Variants in NPAS3 observed in about 807,000 individuals in gnomAD.
NPAS3 encodes the protein neuronal PAS domain-containing protein 3.
In NPAS3, 14 loss-of-function variants were observed where a neutral mutation model predicts 73.1. The ratio of observed to expected loss-of-function variants is 0.19; its 90% CI spans 0.13 to 0.30. The LOEUF (loss-of-function observed/expected upper bound fraction) is 0.30. Ranked by LOEUF, NPAS3 falls within the 10% of genes least tolerant of loss-of-function variation. The probability of loss-of-function intolerance (pLI) is 1.00; values close to 1 mark genes in which losing one functional copy is unlikely to be tolerated. For missense variants in NPAS3, 1,096 were observed against 1,250.0 expected (o/e 0.88, Z 1.86); for synonymous variants, 620 against 541.5 (o/e 1.14, Z -2.01).
At chr14:33,090,571 C>T (rs543900096) in intron 2 of NPAS3, among the ~76,000 whole-genome samples, 107 of 152,140 alleles carry the variant, frequency 7.0e-4, no homozygotes, top group Non-Finnish European at 9.9e-4. Flanking sequence ...ACCCCACTGT[C>T]AACATTAGAC....
intron 3 of NPAS3, among the ~76,000 whole-genome samples, chr14:33,336,045 A>G (rs996711670): frequency 9.9e-5 from 15 of 152,132 alleles, no homozygotes; most frequent in Non-Finnish European, 1.5e-4. Flanking sequence ...AGATCAGACC[A>G]TTTTACATTC....
At chr14:33,038,381 G>T (rs8008476) in intron 1 of NPAS3, among the ~76,000 whole-genome samples, 14,257 of 152,076 alleles carry the variant, frequency 0.094, 1,130 homozygotes, top group African/African-American at 0.22. Flanking sequence ...TTAAGAGAAT[G>T]TTCCTGTGCT....
At chr14:33,668,105 G>A (rs1450307952) in intron 5 of NPAS3, among the ~76,000 whole-genome samples, 1 of 152,114 alleles carries the variant, frequency 6.6e-6, no homozygotes, top group African/African-American at 2.4e-5. Flanking sequence ...GCTCCAATCC[G>A]AACAAGATCC....
rs373761474 is a variant in NPAS3, at chr14:33,572,481, T to A, written c.558+12271T>A. On this transcript the variant is annotated intron_variant, in intron 5 of 11. Transcript: ENST00000356141. ...TAATCCTAACGATTGTTAGGTACAA[T>A]GACAGTCTCCATTTTCTAGGTAAGA... 1.2e-3 allele frequency among the ~76,000 whole-genome samples: 179 copies of A among 152,214 alleles called. 2 individuals are homozygous for A. Among genetic ancestry groups the A allele is most frequent in the African/African-American group, 4.1e-3 (170 of 41,526 alleles).
At chr14:33,561,743 G>A (rs567230368) in intron 5 of NPAS3, among the ~76,000 whole-genome samples, 9 of 152,302 alleles carry the variant, frequency 5.9e-5, no homozygotes, top group Admixed American at 3.9e-4. Context: ...TTCATGCAGG[G>A]TATCCAGCAA....
chr14:33,138,422 C>A (rs1344175601), intron 2 of NPAS3, among the ~76,000 whole-genome samples: 1 of 152,062 alleles, frequency 6.6e-6, no homozygotes, highest in Non-Finnish European at 1.5e-5. Flanking sequence ...ATAAGCTAAG[C>A]ATAAAACTTG....
At chr14:33,278,927 G>A (rs1459497935) in intron 3 of NPAS3, among the ~76,000 whole-genome samples, 1 of 152,056 alleles carries the variant, frequency 6.6e-6, no homozygotes, top group East Asian at 1.9e-4. Context: ...CATAATAATA[G>A]ACATGAAAAG....
intron 5 of NPAS3, among the ~76,000 whole-genome samples, chr14:33,587,980 G>A (rs1456904876): frequency 6.6e-6 from 1 of 152,078 alleles, no homozygotes; most frequent in African/African-American, 2.4e-5. Flanking sequence ...CTGTTACCAG[G>A]GACATTTTGT....
At chr14:33,217,143 G>A (rs1250028684) in intron 3 of NPAS3, among the ~76,000 whole-genome samples, 1 of 152,002 alleles carries the variant, frequency 6.6e-6, no homozygotes, top group Non-Finnish European at 1.5e-5. Context: ...AGCAAAAGGG[G>A]AATTGCCACT....
intron 5 of NPAS3, among the ~76,000 whole-genome samples, chr14:33,573,447 A>T (rs1358346957): frequency 6.6e-6 from 1 of 152,194 alleles, no homozygotes; most frequent in Non-Finnish European, 1.5e-5. Context: ...CAATAGAGAG[A>T]TCCACTACAA....
At chr14:33,190,097 CTTAT>C (rs1438482470) in intron 2 of NPAS3, among the ~76,000 whole-genome samples, 1 of 152,146 alleles carries the variant, frequency 6.6e-6, no homozygotes, top group African/African-American at 2.4e-5. Flanking sequence ...CATAGAAATA[CTTAT>C]TTCAGTATTA....
chr14:33,265,572 G>T (rs1303549190), intron 3 of NPAS3, among the ~76,000 whole-genome samples: 1 of 152,048 alleles, frequency 6.6e-6, no homozygotes, highest in African/African-American at 2.4e-5. Flanking sequence ...TGTCTTATGG[G>T]CTGTACATGT....
intron 6 of NPAS3, among the ~76,000 whole-genome samples, chr14:33,677,810 A>ACTT (rs1487662245): frequency 6.6e-6 from 1 of 152,224 alleles, no homozygotes; most frequent in Admixed American, 6.5e-5. Flanking sequence ...AAATGAAAAT[A>ACTT]CTTTTGTTCA....
intron 2 of NPAS3, among the ~76,000 whole-genome samples, chr14:33,059,998 G>C (rs1421341383): frequency 6.6e-6 from 1 of 152,146 alleles, no homozygotes; most frequent in East Asian, 1.9e-4. Context: ...ACCCAGGCTG[G>C]TCTCGAACTC....
intron 1 of NPAS3, among the ~76,000 whole-genome samples, chr14:33,016,615 GA>G (rs10597224): frequency 0.13 from 16,310 of 125,984 alleles, 1,246 homozygotes; most frequent in African/African-American, 0.27. Context: ...AGAAAAAAAG[GA>G]AAAAAAAAAA....
chr14:33,460,631 C>G (rs957625738), intron 4 of NPAS3, among the ~76,000 whole-genome samples: 3 of 152,080 alleles, frequency 2.0e-5, no homozygotes, highest in Admixed American at 6.6e-5. Context: ...TTCGGCGTAC[C>G]CTACTGCCTC....
At position 33,590,266 on chromosome 14, in the gene NPAS3, C is replaced by T. The variant is rs148060782; in HGVS notation, c.558+30056C>T. ...CCTGGCATTTCACAATAATGAAGAC[C>T]TCCATCTGTTGGTTTTTAAACACTG... is the stretch of plus-strand genomic sequence containing the variant. On this transcript the variant is annotated intron_variant, in intron 5 of 11. Coordinates refer to ENST00000356141, the Ensembl canonical transcript of NPAS3. 1.8e-3 allele frequency among the ~76,000 whole-genome samples: 278 copies of T among 152,266 alleles called. 2 individuals carry two copies. The highest frequency in any genetic ancestry group is 6.3e-3 in the African/African-American group (263 of 41,562).
chr14:33,442,837 G>A (rs2049315887), intron 4 of NPAS3, among the ~76,000 whole-genome samples: 1 of 152,214 alleles, frequency 6.6e-6, no homozygotes, highest in African/African-American at 2.4e-5. Flanking sequence ...TTAAGGAAAT[G>A]ATTTGTTAGC....
intron 6 of NPAS3, among the ~76,000 whole-genome samples, chr14:33,692,099 T>C (rs1218420675): frequency 6.6e-6 from 1 of 152,154 alleles, no homozygotes; most frequent in East Asian, 1.9e-4. Context: ...GCAATTAAAC[T>C]TTCACTGACA....
Sources: gnomAD v4.1 joint callset for allele counts (sites outside exome capture counted in the v4.1 genomes callset) on GRCh38, gnomAD v4.1.1 for gene constraint, MANE v1.5 for transcripts, NCBI Gene and HGNC (gene_info 2026-07-23, HGNC 2026-07-21) for gene names.